SQLE: variants seen among roughly 807,000 people sequenced by gnomAD.
SQLE encodes the protein squalene epoxidase, also known as squalene monooxygenase.
Under a neutral mutation model 60.7 loss-of-function variants are expected in SQLE, and 29 were observed. That is an observed-to-expected ratio of 0.48 (90% CI 0.36 to 0.65). SQLE has a LOEUF of 0.65. SQLE is among the 30% of genes least tolerant of loss of function. SQLE has a pLI of 0.00. For missense variants in SQLE, 605 were observed against 684.1 expected, an observed-to-expected ratio of 0.88 and a Z score of 1.29; for synonymous variants, 237 against 246.8, an observed-to-expected ratio of 0.96 and a Z score of 0.37.
chr8:125,002,231 A>G (rs1814866805), intron 1 of SQLE, among the ~76,000 whole-genome samples: 3 of 152,174 alleles, frequency 2.0e-5, no homozygotes, highest in African/African-American at 7.2e-5. Context: ...GGTATGAGTT[A>G]TTTCTTCTCT....
At chr8:125,005,726 A>G in intron 3 of SQLE, 21 bp downstream of exon 3, 7 of 1,509,642 alleles carry the variant, frequency 4.6e-6, no homozygotes, top group East Asian at 2.3e-5. Flanking sequence ...AGTTTCAAAT[A>G]TATAATTACT....
chr8:124,999,653 C>T lies in SQLE; in HGVS notation c.250C>T (p.Pro84Ser). The T allele has an allele frequency of 6.2e-7, 1 of 1,608,290 alleles. No homozygotes were observed. Among genetic ancestry groups the T allele is most frequent in the Non-Finnish European group, 8.5e-7 (1 of 1,177,130 alleles). Residue 84 changes from proline to serine, a missense_variant, in exon 1 of 11, where the codon CCC (proline) becomes TCC (serine). Coordinates refer to ENST00000265896, the MANE Select transcript of SQLE (RefSeq NM_003129.4). ...PFIGFFWAKS[P>S]PESENKEQLE... Reference sequence around the variant, plus strand: ...CATTGGCTTCTTCTGGGCCAAATCCCCCCCTGAATCAGAAAATAAGGAGCA... The same window carrying T: ...CATTGGCTTCTTCTGGGCCAAATCCTCCCCTGAATCAGAAAATAAGGAGCA...
chr8:125,010,797 T>G (rs551760255), intron 6 of SQLE: 23 of 151,946 alleles, frequency 1.5e-4, no homozygotes, highest in African/African-American at 4.6e-4. Context: ...TTTTTTCCAA[T>G]CCAGAGGTTA....
In SQLE at chr8:124,998,650, C is replaced by A; in HGVS notation, c.-754C>A. The A allele has an allele frequency of 3.0e-6, 2 of 671,464 alleles. No homozygotes were observed. The highest frequency in any genetic ancestry group is 5.4e-6 in the Non-Finnish European group (2 of 369,802). 41.6% of individuals were successfully genotyped at this position (671,464 alleles called of 1,614,324 possible). A position where few individuals can be genotyped will look rare whatever the true frequency, so the allele number is the denominator to read the frequency against. ...CCGCCGCCGCCATCTGAGGGAGGTA[C>A]CCTGGAAACCACCTTTTATCGGTGG... is the stretch of plus-strand genomic sequence containing the variant. On this transcript the variant is annotated 5_prime_UTR_variant, in exon 1 of 11. Coordinates refer to ENST00000265896, the MANE Select transcript of SQLE (RefSeq NM_003129.4).
In SQLE at chr8:125,011,578, C is replaced by T; in HGVS notation, c.1150C>T (p.His384Tyr). The T allele has an allele frequency of 1.3e-6, 2 of 1,588,156 alleles. No individual in the cohort carries two copies. Among genetic ancestry groups the T allele is most frequent in the Non-Finnish European group, 1.7e-6 (2 of 1,165,676 alleles). The change falls in exon 7 of 11, where the codon CAT becomes TAT. Residue 384 changes from histidine (H) to tyrosine (Y), a missense_variant. By Grantham distance (83) the His-to-Tyr change is moderately conservative. Transcript: ENST00000265896. ...EPFLEATDNS[H>Y]LRSMPASFLP... ...ATTCTTAGAAGCCACTGACAATTCT[C>T]ATCTGAGGTCCATGCCAGCAAGCTT...
At chr8:125,009,125 C>G in intron 5 of SQLE, 41 bp downstream of exon 5, 1 of 1,566,782 alleles carries the variant, frequency 6.4e-7, no homozygotes, top group Non-Finnish European at 8.6e-7. Flanking sequence ...ATAAAAGAAA[C>G]TTGAAATTTG....
chr8:125,012,105 C>G (rs140903929), intron 7 of SQLE, among the ~76,000 whole-genome samples: 255 of 152,078 alleles, frequency 1.7e-3, no homozygotes, highest in African/African-American at 5.9e-3. Flanking sequence ...GATGGAATAA[C>G]ATTGCCAAAG....
intron 3 of SQLE, 115 bp downstream of exon 3, chr8:125,005,820 A>AT (rs1280267427): frequency 1.3e-6 from 1 of 745,736 alleles, no homozygotes; most frequent in Non-Finnish European, 1.9e-6. Flanking sequence ...AGTCTAGAAC[A>AT]TATGTATATT....
At chr8:125,009,852 A>G (rs1815013666) in intron 6 of SQLE, among the ~76,000 whole-genome samples, 1 of 152,116 alleles carries the variant, frequency 6.6e-6, no homozygotes, top group Admixed American at 6.5e-5. Context: ...TTTTAGAATA[A>G]TTGTTTTTAT....
At chr8:125,017,688 C>T (rs1340263412) in intron 7 of SQLE, among the ~76,000 whole-genome samples, 1 of 152,158 alleles carries the variant, frequency 6.6e-6, no homozygotes, top group Non-Finnish European at 1.5e-5. Flanking sequence ...GGATGATCGC[C>T]AGAGGACTTG....
chr8:125,007,555 T>TA (rs1814973232), intron 4 of SQLE, 68 bp downstream of exon 4: 3 of 1,065,722 alleles, frequency 2.8e-6, no homozygotes, highest in East Asian at 2.7e-5. Flanking sequence ...CTTACCCCTT[T>TA]AAAAAAGTAG....
In SQLE at chr8:125,007,415, G is replaced by A; in HGVS notation, c.750G>A (p.Val250=). The A allele has an allele frequency of 1.9e-6, 3 of 1,555,352 alleles. No individual in the cohort carries two copies. The highest frequency in any genetic ancestry group is 2.6e-6 in the Non-Finnish European group (3 of 1,148,698). ...EPNAKFIEGV[V]LQLLEEDDVV... ...GTGCAAAGTTTATTGAAGGTGTTGT[G>A]TTACAGTTATTAGAGGAAGATGATG... The change falls in exon 4 of 11, where the codon GTG becomes GTA. Residue 250 remains valine (V), a synonymous_variant. Transcript: ENST00000265896.
Position 125,009,062 on chromosome 8 carries a change from A to G in SQLE, c.914A>G (p.His305Arg), listed in dbSNP as rs1330590774. The G allele has an allele frequency of 1.3e-6, 2 of 1,594,602 alleles. No homozygotes were observed. The highest frequency in any genetic ancestry group is 2.2e-5 in the East Asian group (1 of 44,690). ...LVSNKVSVSS[H>R]FVGFLMKNAP... ...TCCAATAAAGTTTCTGTATCATCTC[A>G]TTTTGTTGGCTTTCTTATGAAGGTA... The change falls in exon 5 of 11, where the codon CAT becomes CGT. Residue 305 changes from histidine (H) to arginine (R), a missense_variant. His to Arg is a conservative substitution (Grantham distance 29). Coordinates refer to ENST00000265896, the MANE Select transcript of SQLE (RefSeq NM_003129.4).
chr8:125,006,747 C>T (rs1202000319), intron 3 of SQLE, among the ~76,000 whole-genome samples: 13 of 150,944 alleles, frequency 8.6e-5, no homozygotes, highest in Non-Finnish European at 1.6e-4. Context: ...CTCTGTCACC[C>T]GGGCTGGAGG....
chr8:124,999,252 G>A lies in SQLE; in HGVS notation c.-152G>A, dbSNP rs1814800294. On this transcript the variant is annotated 5_prime_UTR_variant, in exon 1 of 11. An upstream open reading frame in the 5' UTR gains an earlier in-frame stop. Transcript: ENST00000265896. The stretch of plus-strand genomic sequence containing the variant: ...AACTTTATATGATTTTTAAAAACTG[G>A]TCTGATCGGACTTCTCGTCCTGGGA... 2 of 634,194 alleles carry A rather than the reference G, an allele frequency of 3.2e-6. No homozygotes were observed. The highest frequency in any genetic ancestry group is 4.3e-5 in the Admixed American group (1 of 23,394). The allele number at this position is 634,194 out of a possible 1,614,324, so 39.3% of individuals were successfully genotyped here. A position where few individuals can be genotyped will look rare whatever the true frequency, so the allele number is the denominator to read the frequency against.
rs1259020909 is a variant in SQLE, at chr8:125,011,524, G to T, written c.1109-13G>T. ...TATGACCCATTTCTTTGGGTTGGTG[G>T]GATTTATTGCAGATCACCTGAAAGA... On this transcript the variant is annotated splice_polypyrimidine_tract_variant and intron_variant, in intron 6 of 10. Transcript: ENST00000265896. 4 of 1,566,610 alleles carry T rather than the reference G, an allele frequency of 2.6e-6. No homozygotes were observed. Among genetic ancestry groups the T allele is most frequent in the Non-Finnish European group, 3.5e-6 (4 of 1,153,630 alleles).
chr8:125,019,807 G>A (rs1486307664), intron 9 of SQLE, among the ~76,000 whole-genome samples: 1 of 151,576 alleles, frequency 6.6e-6, no homozygotes, highest in African/African-American at 2.4e-5. Flanking sequence ...TACAAAAGAT[G>A]ATACAATAAA....
chr8:125,012,423 C>T (rs1412637504), intron 7 of SQLE, among the ~76,000 whole-genome samples: 1 of 152,186 alleles, frequency 6.6e-6, no homozygotes, highest in East Asian at 1.9e-4. Flanking sequence ...CTCCCCATTT[C>T]CTCCCAACAC....
intron 7 of SQLE, 151 bp from the exon 8 acceptor site, chr8:125,017,908 C>A: frequency 1.1e-6 from 1 of 942,710 alleles, no homozygotes; most frequent in Non-Finnish European, 1.5e-6. Flanking sequence ...GAATTTTTGC[C>A]TCAGCAAATT....
Sources: gnomAD v4.1 joint callset for allele counts (sites outside exome capture counted in the v4.1 genomes callset) on GRCh38, gnomAD v4.1.1 for gene constraint, MANE v1.5 for transcripts, NCBI Gene and HGNC (gene_info 2026-07-23, HGNC 2026-07-21) for gene names.